Variants in ADARB1 observed in about 807,000 individuals in gnomAD.
ADARB1 encodes the protein adenosine deaminase RNA specific B1, also known as double-stranded RNA-specific editase 1.
A neutral mutation model predicts 52.4 loss-of-function variants in ADARB1; 10 were observed. The observed-to-expected ratio is 0.19, with a 90% CI of 0.12 to 0.32. The LOEUF (loss-of-function observed/expected upper bound fraction) is 0.32. Ranked by LOEUF, ADARB1 falls within the 10% of genes least tolerant of loss-of-function variation. The pLI is 1.00. For missense variants in ADARB1, 643 were observed against 922.3 expected, an observed-to-expected ratio of 0.70 and a Z score of 3.92; for synonymous variants, 349 against 371.1, an observed-to-expected ratio of 0.94 and a Z score of 0.68.
At chr21:45,155,476 A>G (rs1311552879) in intron 2 of ADARB1, among the ~76,000 whole-genome samples, 1 of 151,994 alleles carries the variant, frequency 6.6e-6, no homozygotes, top group Non-Finnish European at 1.5e-5. Flanking sequence ...ACGGGATGGC[A>G]TTTATCCACC....
rs1020333304 is a variant in ADARB1, at chr21:45,220,110, TAGG to T, written c.1748-723_1748-721del. Reference sequence around the variant, plus strand: ...TTTAGCAGAAGTCATGTAGCTCTGATAGGAGCGCTTTTCAAACAGATGTCTTAA... The same window carrying T: ...TTTAGCAGAAGTCATGTAGCTCTGATAGCGCTTTTCAAACAGATGTCTTAA... On this transcript the variant is annotated intron_variant, in intron 9 of 10. Coordinates refer to ENST00000348831, the MANE Select transcript of ADARB1 (RefSeq NM_001112.4). The surrounding 1 kb of genome is among the most constrained non-coding windows in gnomAD (Gnocchi z 6.3). Among the ~76,000 whole-genome samples, 22 of 152,186 alleles carry T rather than the reference TAGG, an allele frequency of 1.4e-4. No homozygotes were observed. The highest frequency in any genetic ancestry group is 3.3e-4 in the Admixed American group (5 of 15,300).
chr21:45,178,838 C>T (rs973792726), intron 4 of ADARB1, among the ~76,000 whole-genome samples: 3 of 152,140 alleles, frequency 2.0e-5, no homozygotes, highest in Admixed American at 2.0e-4. Context: ...GTAATCCCCT[C>T]AACGGGGTGC....
In ADARB1 at chr21:45,224,665, G is replaced by C; in HGVS notation, c.*2468G>C. 2.2e-6 allele frequency: 2 copies of C among 922,574 alleles called. No homozygotes were observed. The highest frequency in any genetic ancestry group is 2.5e-6 in the Non-Finnish European group (2 of 795,628). 57.1% of individuals were successfully genotyped at this position (922,574 alleles called of 1,614,324 possible). ...TGGCTGTCAGGGGGAACTGGGTTCCGGGAGCCCTGGGCCGGGGCAGGGGGC... is the reference window on the plus strand; with the variant it reads ...TGGCTGTCAGGGGGAACTGGGTTCCCGGAGCCCTGGGCCGGGGCAGGGGGC... On this transcript the variant is annotated 3_prime_UTR_variant, in exon 11 of 11. Coordinates refer to ENST00000348831, the MANE Select transcript of ADARB1 (RefSeq NM_001112.4).
chr21:45,154,689 CTG>C (rs942593077), intron 2 of ADARB1, among the ~76,000 whole-genome samples: 2 of 152,120 alleles, frequency 1.3e-5, no homozygotes, highest in Admixed American at 1.3e-4. Context: ...TGACTGTTGA[CTG>C]TGTGTGAGCC....
In ADARB1 at chr21:45,204,607, A is replaced by T. The variant is rs759993645; in HGVS notation, c.1618A>T (p.Ile540Phe). The T allele has an allele frequency of 6.2e-7, 1 of 1,614,070 alleles. No individual in the cohort carries two copies. Residue 540 changes from isoleucine to phenylalanine, a missense_variant, in exon 9 of 11, where the codon ATT becomes TTT. Transcript: ENST00000348831. This position sits in a 1 kb window ranked among gnomAD's most constrained non-coding sequence, Gnocchi z 4.4. The part of the protein sequence containing the change: ...GSLLSIFVEP[I>F]YFSSIILGSL... ...CCTGCTCAGCATTTTCGTGGAGCCC[A>T]TTTACTTCTCGAGCATCATCCTGGG...
At chr21:45,171,402 G>A (rs539872232) in intron 2 of ADARB1, among the ~76,000 whole-genome samples, 6 of 152,310 alleles carry the variant, frequency 3.9e-5, no homozygotes, top group African/African-American at 9.6e-5. Flanking sequence ...GAATCCACGC[G>A]AGAAGTCTTT....
At chr21:45,099,455 AGG>A (rs2086906306) in intron 1 of ADARB1, among the ~76,000 whole-genome samples, 3 of 152,076 alleles carry the variant, frequency 2.0e-5, no homozygotes, top group Admixed American at 2.0e-4. Context: ...ACTTGAGGTC[AGG>A]AGTTTGAGAC....
chr21:45,132,690 C>T (rs2089028560), intron 2 of ADARB1, among the ~76,000 whole-genome samples: 1 of 152,008 alleles, frequency 6.6e-6, no homozygotes, highest in African/African-American at 2.4e-5. Flanking sequence ...TTTTTTTGTC[C>T]GGTTACATCC....
Position 45,185,100 on chromosome 21 carries a change from C to G in ADARB1, c.1565+9C>G, listed in dbSNP as rs3804035. The G allele has an allele frequency of 5.0e-6, 8 of 1,612,064 alleles. No individual in the cohort carries two copies. In the Admixed American group the frequency reaches 1.2e-4, roughly 24 times the overall value. On this transcript the variant is annotated intron_variant, in intron 8 of 10. Transcript: ENST00000348831. ...AGTGACAAGATTGCACGGTAAGGGGCGGGGGCTCCCTGTGGCCACCTCCCT... is the reference window on the plus strand; with the variant it reads ...AGTGACAAGATTGCACGGTAAGGGGGGGGGGCTCCCTGTGGCCACCTCCCT...
intron 9 of ADARB1, among the ~76,000 whole-genome samples, chr21:45,205,287 A>T (rs2092645392): frequency 6.7e-6 from 1 of 150,054 alleles, no homozygotes; most frequent in Admixed American, 6.6e-5. Flanking sequence ...AGAAAGAAAG[A>T]AATGAAAAAT....
At chr21:45,219,296 C>T (rs181438124) in intron 9 of ADARB1, among the ~76,000 whole-genome samples, 4 of 152,200 alleles carry the variant, frequency 2.6e-5, no homozygotes, top group South Asian at 2.1e-4. Context: ...GAGGCCGAGG[C>T]GGGAAGATCA....
intron 2 of ADARB1, among the ~76,000 whole-genome samples, chr21:45,170,845 C>T (rs1250944562): frequency 1.3e-5 from 2 of 152,170 alleles, no homozygotes; most frequent in Non-Finnish European, 2.9e-5. Context: ...AGAGGAAACT[C>T]TTAAATTTGT....
intron 1 of ADARB1, among the ~76,000 whole-genome samples, chr21:45,110,666 A>T (rs192494223): frequency 1.2e-3 from 188 of 152,304 alleles, no homozygotes; most frequent in African/African-American, 4.5e-3. Flanking sequence ...GCTAGCATTT[A>T]TGGCTCTTTA....
rs552099585 is a variant in ADARB1, at chr21:45,200,315, A to G, written c.1566-4240A>G. Among the ~76,000 whole-genome samples the G allele has an allele frequency of 6.6e-6, 1 of 152,304 alleles. No individual in the cohort carries two copies. The highest frequency in any genetic ancestry group is 1.9e-4 in the East Asian group (1 of 5,180). The stretch of plus-strand genomic sequence containing the variant: ...TTTGGCGGTGAATGCAGCCCCAGAG[A>G]GTTGTCCACAAGACCATGGGGTGAG... On this transcript the variant is annotated intron_variant, in intron 8 of 10. Coordinates refer to ENST00000348831, the MANE Select transcript of ADARB1 (RefSeq NM_001112.4). This position sits in a 1 kb window ranked among gnomAD's most constrained non-coding sequence, Gnocchi z 5.0.
intron 1 of ADARB1, among the ~76,000 whole-genome samples, chr21:45,123,000 A>T (rs573579039): frequency 6.6e-6 from 1 of 152,126 alleles, no homozygotes; most frequent in Non-Finnish European, 1.5e-5. Flanking sequence ...TACAGCAGCT[A>T]CTTGGTCCCA....
In ADARB1 at chr21:45,204,426, C is replaced by T. The variant is rs2838811; in HGVS notation, c.1566-129C>T. The T allele has an allele frequency of 0.1, 85,527 of 816,786 alleles. 6,078 individuals carry two copies. The highest frequency in any genetic ancestry group is 0.28 in the African/African-American group (16,254 of 58,576). The allele number at this position is 816,786 out of a possible 1,614,324, so 50.6% of individuals were successfully genotyped here. A position where few individuals can be genotyped will look rare whatever the true frequency, so the allele number is the denominator to read the frequency against. ...AAATCAGTCTGTTAACTTTTTGTTG[C>T]ACTCCTTCGTCAGTTGGTTGGGATC... On this transcript the variant is annotated intron_variant, in intron 8 of 10. Transcript: ENST00000348831. The surrounding 1 kb of genome is among the most constrained non-coding windows in gnomAD (Gnocchi z 4.4).
At chr21:45,131,188 G>C (rs1372997778) in intron 2 of ADARB1, among the ~76,000 whole-genome samples, 1 of 152,174 alleles carries the variant, frequency 6.6e-6, no homozygotes, top group Non-Finnish European at 1.5e-5. Context: ...TGGACATTTA[G>C]GCACTGCTGC....
intron 1 of ADARB1, among the ~76,000 whole-genome samples, chr21:45,095,306 G>C (rs1023046086): frequency 7.9e-5 from 12 of 152,228 alleles, no homozygotes; most frequent in Non-Finnish European, 1.3e-4. Flanking sequence ...GGCCTTTGCC[G>C]TGAGCTCTGA....
At chr21:45,077,535 T>C (rs1474447743) in intron 1 of ADARB1, among the ~76,000 whole-genome samples, 1 of 151,788 alleles carries the variant, frequency 6.6e-6, no homozygotes, top group Non-Finnish European at 1.5e-5. Context: ...GGCATGGTGG[T>C]GGGCGCCTGT....
Sources: gnomAD v4.1 joint callset for allele counts (sites outside exome capture counted in the v4.1 genomes callset) on GRCh38, gnomAD v4.1.1 for gene constraint, Gnocchi (gnomAD v3.1) non-coding constraint, MANE v1.5 for transcripts, NCBI Gene and HGNC (gene_info 2026-07-23, HGNC 2026-07-21) for gene names.